ATG5: variants seen among roughly 807,000 people sequenced by gnomAD.
ATG5 encodes autophagy related 5.
A neutral mutation model predicts 36.5 loss-of-function variants in ATG5; 14 were observed. That is an observed-to-expected ratio of 0.38 (90% CI 0.25 to 0.60). The LOEUF (loss-of-function observed/expected upper bound fraction) is 0.60. Among genes scored for constraint, ATG5 ranks in the 20% least tolerant of loss-of-function variants. ATG5 has a pLI of 0.60. For synonymous variants in ATG5, 95 were observed against 101.5 expected, an observed-to-expected ratio of 0.94 and a Z score of 0.38; for missense variants, 195 against 326.7, an observed-to-expected ratio of 0.60 and a Z score of 3.11.
chr6:106,191,241 T>G (rs942148693), intron 7 of ATG5, among the ~76,000 whole-genome samples: 1 of 152,178 alleles, frequency 6.6e-6, no homozygotes, highest in East Asian at 1.9e-4. Flanking sequence ...ATCATACCAG[T>G]GTAGAATTTT....
chr6:106,270,386 G>C (rs1779409504), intron 5 of ATG5, among the ~76,000 whole-genome samples: 1 of 152,100 alleles, frequency 6.6e-6, no homozygotes, highest in South Asian at 2.1e-4. Flanking sequence ...CAGAGTTTCA[G>C]GTTGGAATTA....
At chr6:106,255,196 C>G (rs1303272580) in intron 5 of ATG5, among the ~76,000 whole-genome samples, 1 of 152,216 alleles carries the variant, frequency 6.6e-6, no homozygotes, top group Non-Finnish European at 1.5e-5. Flanking sequence ...ACAAGCAAGT[C>G]TGAGTTCCAA....
intron 4 of ATG5, among the ~76,000 whole-genome samples, chr6:106,281,335 T>C (rs917936790): frequency 2.6e-5 from 4 of 152,308 alleles, no homozygotes; most frequent in African/African-American, 7.2e-5. Context: ...TCTGTGCCCT[T>C]TGCAGTCAGT....
chr6:106,214,703 G>A lies in ATG5; in HGVS notation c.574-12614C>T, dbSNP rs117494489. Among the ~76,000 whole-genome samples, 1,253 of 152,202 alleles carry A rather than the reference G, an allele frequency of 8.2e-3. 6 individuals are homozygous for A. Among genetic ancestry groups the A allele is most frequent in the Middle Eastern group, 0.024 (7 of 294 alleles). Reference sequence around the variant, plus strand: ...TGAGGCAAATTTTCTTCAAATAAGCGCAACACTTTGTTTCCTCTTCGTATC... The same window carrying A: ...TGAGGCAAATTTTCTTCAAATAAGCACAACACTTTGTTTCCTCTTCGTATC... On this transcript the variant is annotated intron_variant, in intron 6 of 7. Coordinates refer to ENST00000369076, the MANE Select transcript of ATG5 (RefSeq NM_004849.4).
At chr6:106,291,280 GAA>G (rs1780298347) in intron 4 of ATG5, among the ~76,000 whole-genome samples, 1 of 152,138 alleles carries the variant, frequency 6.6e-6, no homozygotes, top group Non-Finnish European at 1.5e-5. Flanking sequence ...ACTACATCCA[GAA>G]AAGTCTTAAA....
chr6:106,243,979 A>C (rs993106565), intron 6 of ATG5, among the ~76,000 whole-genome samples: 1 of 121,134 alleles, frequency 8.3e-6, no homozygotes, highest in Non-Finnish European at 1.6e-5. Flanking sequence ...TAGTGGCATG[A>C]TCATGGCTCA....
chr6:106,290,625 G>T (rs1359019766), intron 4 of ATG5, among the ~76,000 whole-genome samples: 1 of 152,202 alleles, frequency 6.6e-6, no homozygotes, highest in African/African-American at 2.4e-5. Context: ...CCAGTTTATT[G>T]TAATAATAAT....
At chr6:106,233,022 TG>T (rs1156725509) in intron 6 of ATG5, among the ~76,000 whole-genome samples, 1 of 152,228 alleles carries the variant, frequency 6.6e-6, no homozygotes, top group African/African-American at 2.4e-5. Flanking sequence ...TTCTCATACC[TG>T]GGCACTCTTG....
At chr6:106,252,091 T>C (rs1250444585) in intron 5 of ATG5, among the ~76,000 whole-genome samples, 1 of 152,188 alleles carries the variant, frequency 6.6e-6, no homozygotes, top group Non-Finnish European at 1.5e-5. Flanking sequence ...TCCATCTGCC[T>C]TGGCCTCCCA....
chr6:106,310,535 G>C (rs909106252), intron 2 of ATG5, among the ~76,000 whole-genome samples: 2 of 151,778 alleles, frequency 1.3e-5, no homozygotes, highest in African/African-American at 4.8e-5. Context: ...TATTTCATTG[G>C]TTTAAGTTCT....
intron 5 of ATG5, among the ~76,000 whole-genome samples, chr6:106,250,719 T>C (rs1447994288): frequency 6.6e-6 from 1 of 152,238 alleles, no homozygotes; most frequent in Non-Finnish European, 1.5e-5. Context: ...GCACCTAGCA[T>C]GGTGCATGCA....
At chr6:106,269,072 T>C (rs1562246997) in intron 5 of ATG5, among the ~76,000 whole-genome samples, 1 of 152,164 alleles carries the variant, frequency 6.6e-6, no homozygotes, top group Non-Finnish European at 1.5e-5. Flanking sequence ...CATTCTCTGA[T>C]TGGTGCGTTT....
chr6:106,240,223 A>C (rs1778065594), intron 6 of ATG5, among the ~76,000 whole-genome samples: 1 of 151,414 alleles, frequency 6.6e-6, no homozygotes, highest in South Asian at 2.1e-4. Flanking sequence ...TTTGATATAT[A>C]TTTATATTTT....
intron 6 of ATG5, among the ~76,000 whole-genome samples, chr6:106,212,666 CAAAA>C (rs1776902734): frequency 6.6e-6 from 1 of 152,048 alleles, no homozygotes; most frequent in South Asian, 2.1e-4. Flanking sequence ...AAACAAAACT[CAAAA>C]AACCCTATTG....
At chr6:106,282,972 G>A (rs1338520977) in intron 4 of ATG5, among the ~76,000 whole-genome samples, 4 of 151,618 alleles carry the variant, frequency 2.6e-5, no homozygotes, top group Non-Finnish European at 5.9e-5. Flanking sequence ...ATTTTTTTTT[G>A]TAGAGATGAG....
chr6:106,295,236 CTT>C (rs1780498502), intron 3 of ATG5, among the ~76,000 whole-genome samples: 1 of 152,098 alleles, frequency 6.6e-6, no homozygotes, highest in Non-Finnish European at 1.5e-5. Flanking sequence ...GAATATCTCT[CTT>C]AGGTATCTGC....
chr6:106,303,532 TCAGAA>T (rs904699530), intron 3 of ATG5, among the ~76,000 whole-genome samples: 12 of 152,082 alleles, frequency 7.9e-5, no homozygotes, highest in Non-Finnish European at 1.3e-4. Context: ...AGAAAATACA[TCAGAA>T]CAGAACACTT....
chr6:106,323,414 A>G (rs1771173522), intron 1 of ATG5, among the ~76,000 whole-genome samples: 1 of 151,322 alleles, frequency 6.6e-6, no homozygotes, highest in Non-Finnish European at 1.5e-5. Flanking sequence ...AGCCAGGACT[A>G]CAGGCTCATG....
intron 6 of ATG5, among the ~76,000 whole-genome samples, chr6:106,230,770 C>T (rs1192940806): frequency 1.3e-5 from 2 of 151,978 alleles, no homozygotes; most frequent in African/African-American, 2.4e-5. Context: ...TCTGCAGTAC[C>T]GCCTGGCAAC....
Sources: gnomAD v4.1 joint callset for allele counts (sites outside exome capture counted in the v4.1 genomes callset) on GRCh38, gnomAD v4.1.1 for gene constraint, MANE v1.5 for transcripts, NCBI Gene and HGNC (gene_info 2026-07-23, HGNC 2026-07-21) for gene names.